The following PLCB1 variants were observed in gnomAD, a reference collection of about 807,000 sequenced individuals.
PLCB1 encodes phospholipase C beta 1.
PLCB1 carries 46 observed loss-of-function variants against 161.8 expected under a neutral mutation model. The observed-to-expected ratio is 0.28, with a 90% CI of 0.22 to 0.36. PLCB1 has a LOEUF of 0.36. Among genes scored for constraint, PLCB1 ranks in the 10% least tolerant of loss-of-function variants. The pLI is 1.00. For missense variants in PLCB1, 1,016 were observed against 1,472.5 expected (o/e 0.69, Z 5.07); for synonymous variants, 517 against 503.7 (o/e 1.03, Z -0.35).
chr20:8,662,539 A>G (rs1568551679), intron 9 of PLCB1, among the ~76,000 whole-genome samples: 1 of 144,300 alleles, frequency 6.9e-6, no homozygotes, highest in Non-Finnish European at 1.5e-5. Flanking sequence ...TATGTGTAAT[A>G]TATAATTATT....
At chr20:8,216,638 G>A (rs1463245656) in intron 2 of PLCB1, among the ~76,000 whole-genome samples, 1 of 152,040 alleles carries the variant, frequency 6.6e-6, no homozygotes, top group East Asian at 1.9e-4. Context: ...GTAGTTTCCT[G>A]GGAAGTAGAA....
intron 3 of PLCB1, among the ~76,000 whole-genome samples, chr20:8,440,019 T>A (rs1980485100): frequency 6.6e-6 from 1 of 152,194 alleles, no homozygotes; most frequent in Admixed American, 6.5e-5. Context: ...TACAAAAGAT[T>A]ATGTTGGCTT....
chr20:8,759,189 T>C (rs1175920246), intron 24 of PLCB1, among the ~76,000 whole-genome samples: 1 of 152,146 alleles, frequency 6.6e-6, no homozygotes, highest in Non-Finnish European at 1.5e-5. Context: ...TTCCCCATGA[T>C]TAGGTTGAGG....
chr20:8,140,913 C>T (rs1287833202), intron 1 of PLCB1, among the ~76,000 whole-genome samples: 1 of 152,046 alleles, frequency 6.6e-6, no homozygotes, highest in Non-Finnish European at 1.5e-5. Context: ...ATTTTCCTGC[C>T]TCAGCCTCCT....
chr20:8,838,492 G>A (rs918940321), intron 31 of PLCB1, among the ~76,000 whole-genome samples: 1 of 152,104 alleles, frequency 6.6e-6, no homozygotes, highest in Non-Finnish European at 1.5e-5. Context: ...CTTATCCCGT[G>A]GTTATTTTCC....
chr20:8,694,536 C>G (rs1990546350), intron 10 of PLCB1, among the ~76,000 whole-genome samples: 1 of 152,146 alleles, frequency 6.6e-6, no homozygotes. Context: ...CAAATTCCTT[C>G]TCATTGTTCT....
intron 2 of PLCB1, among the ~76,000 whole-genome samples, chr20:8,309,602 T>C (rs1045250759): frequency 1.3e-5 from 2 of 152,322 alleles, no homozygotes; most frequent in African/African-American, 4.8e-5. Flanking sequence ...TCCATTGAAG[T>C]GTCAAGTTTA....
chr20:8,832,418 A>G (rs996215703), intron 31 of PLCB1, among the ~76,000 whole-genome samples: 1 of 152,220 alleles, frequency 6.6e-6, no homozygotes, highest in African/African-American at 2.4e-5. Flanking sequence ...CTTCCTGAAC[A>G]TCAGGGAAAC....
intron 3 of PLCB1, among the ~76,000 whole-genome samples, chr20:8,614,606 G>GTGTGTC (rs1987998245): frequency 6.6e-6 from 1 of 151,602 alleles, no homozygotes; most frequent in Non-Finnish European, 1.5e-5. Flanking sequence ...GTGTGTGTGT[G>GTGTGTC]TGTGTGTGTG....
chr20:8,780,748 G>A (rs2146210662), intron 27 of PLCB1, among the ~76,000 whole-genome samples: 1 of 152,190 alleles, frequency 6.6e-6, no homozygotes, highest in East Asian at 1.9e-4. Flanking sequence ...TGCTGAGTGG[G>A]GGGTCTAGGG....
At chr20:8,564,626 A>C (rs888523111) in intron 3 of PLCB1, among the ~76,000 whole-genome samples, 4 of 152,202 alleles carry the variant, frequency 2.6e-5, no homozygotes, top group African/African-American at 9.7e-5. Context: ...AAAGAGCTTA[A>C]GCAAATTTAC....
chr20:8,783,501 G>A (rs945859031), intron 27 of PLCB1, among the ~76,000 whole-genome samples: 3 of 152,178 alleles, frequency 2.0e-5, no homozygotes, highest in Non-Finnish European at 2.9e-5. Context: ...AAACACAGAA[G>A]TTTATCTTGT....
chr20:8,245,319 C>T (rs1224211352), intron 2 of PLCB1, among the ~76,000 whole-genome samples: 1 of 151,818 alleles, frequency 6.6e-6, no homozygotes, highest in Admixed American at 6.6e-5. Flanking sequence ...TATATGTGTA[C>T]ACCCACACAT....
chr20:8,457,709 T>TGC (rs149327885), intron 3 of PLCB1, among the ~76,000 whole-genome samples: 173 of 108,182 alleles, frequency 1.6e-3, no homozygotes, highest in South Asian at 5.4e-3. Flanking sequence ...CCCTAATGTG[T>TGC]GCGCGCACAC....
intron 23 of PLCB1, among the ~76,000 whole-genome samples, chr20:8,748,360 G>T (rs1391802264): frequency 6.6e-6 from 1 of 152,120 alleles, no homozygotes; most frequent in Non-Finnish European, 1.5e-5. Context: ...AATATCAACG[G>T]CCAATGAGTT....
At chr20:8,809,608 C>T (rs1292878048) in intron 31 of PLCB1, among the ~76,000 whole-genome samples, 1 of 152,134 alleles carries the variant, frequency 6.6e-6, no homozygotes, top group Non-Finnish European at 1.5e-5. Context: ...CAAACCTTAC[C>T]CTCTTTCATG....
At chr20:8,703,456 G>T (rs754109753) in intron 11 of PLCB1, among the ~76,000 whole-genome samples, 8 of 152,092 alleles carry the variant, frequency 5.3e-5, no homozygotes, top group Non-Finnish European at 8.8e-5. Flanking sequence ...ATGGTAGAAG[G>T]TGTGGGCATC....
chr20:8,853,839 T>C, intron 31 of PLCB1, among the ~76,000 whole-genome samples: 1 of 152,242 alleles, frequency 6.6e-6, no homozygotes, highest in East Asian at 1.9e-4. Context: ...AGGCATTTTA[T>C]GTGATTGTGT....
chr20:8,804,526 T>G (rs532693733), intron 31 of PLCB1, among the ~76,000 whole-genome samples: 1 of 152,328 alleles, frequency 6.6e-6, no homozygotes, highest in African/African-American at 2.4e-5. Context: ...AATCCCATTA[T>G]AGCATTTTAT....
Sources: allele counts gnomAD v4.1 joint callset (sites outside exome capture counted in the v4.1 genomes callset), GRCh38; gene constraint gnomAD v4.1.1; transcripts MANE v1.5; gene names NCBI Gene and HGNC (gene_info 2026-07-23, HGNC 2026-07-21).